Variants in ZNF248 observed in about 807,000 individuals in gnomAD.
ZNF248 encodes the protein KRAB protein domain.
ZNF248 carries 20 observed loss-of-function variants against 44.3 expected under a neutral mutation model. The ratio of observed to expected loss-of-function variants is 0.45; its 90% CI spans 0.32 to 0.66. The LOEUF (loss-of-function observed/expected upper bound fraction) is 0.66. Among genes scored for constraint, ZNF248 ranks in the 30% least tolerant of loss-of-function variants. The probability of loss-of-function intolerance (pLI) is 0.04; values close to 1 mark genes in which losing one functional copy is unlikely to be tolerated. For synonymous variants in ZNF248, 224 were observed against 229.0 expected (o/e 0.98, Z 0.20); for missense variants, 654 against 677.0 (o/e 0.97, Z 0.38).
chr10:37,853,641 A>G (rs2060723725), intron 3 of ZNF248, among the ~76,000 whole-genome samples: 1 of 152,016 alleles, frequency 6.6e-6, no homozygotes, highest in African/African-American at 2.4e-5. Context: ...CGGCCTCCCA[A>G]AGTGCTGGGA....
chr10:37,814,577 C>G (rs1045828074), intron 6 of ZNF248, among the ~76,000 whole-genome samples: 2 of 152,194 alleles, frequency 1.3e-5, no homozygotes, highest in African/African-American at 4.8e-5. Context: ...CTACTGCTAT[C>G]AGACTCCCTC....
intron 6 of ZNF248, among the ~76,000 whole-genome samples, chr10:37,814,044 T>C (rs2052009374): frequency 2.0e-5 from 3 of 151,682 alleles, no homozygotes; most frequent in Non-Finnish European, 4.4e-5. Flanking sequence ...AGGATCTACA[T>C]CTATCATTGC....
chr10:37,779,134 A>G (rs2046973717), intron 6 of ZNF248, among the ~76,000 whole-genome samples: 1 of 151,076 alleles, frequency 6.6e-6, no homozygotes, highest in African/African-American at 2.4e-5. Flanking sequence ...AATCAATAGA[A>G]AAAGAGGGAA....
chr10:37,787,109 C>T (rs1047938030), intron 6 of ZNF248, among the ~76,000 whole-genome samples: 4 of 151,942 alleles, frequency 2.6e-5, no homozygotes, highest in African/African-American at 9.7e-5. Flanking sequence ...GAAACCTTGT[C>T]TCTACTAAAA....
intron 6 of ZNF248, chr10:37,819,648 C>A (rs2053134790): frequency 2.5e-6 from 2 of 804,214 alleles, no homozygotes; most frequent in East Asian, 2.4e-5. Flanking sequence ...TCCAGCTCTG[C>A]CTGGATCTCT....
chr10:37,827,051 G>C (rs117300037), downstream of ZNF248, among the ~76,000 whole-genome samples: 1,597 of 152,312 alleles, frequency 0.01, 12 homozygotes, highest in Non-Finnish European at 0.014. Flanking sequence ...TCCCAGTAAT[G>C]GCAGCTGGTG....
chr10:37,839,106 C>T (rs2057811437), intron 3 of ZNF248, among the ~76,000 whole-genome samples: 1 of 152,130 alleles, frequency 6.6e-6, no homozygotes, highest in African/African-American at 2.4e-5. Context: ...GTGCATTGCT[C>T]CTGGGAGTCT....
At chr10:37,779,093 G>A (rs1303699655) in intron 6 of ZNF248, among the ~76,000 whole-genome samples, 1 of 152,032 alleles carries the variant, frequency 6.6e-6, no homozygotes, top group Non-Finnish European at 1.5e-5. Flanking sequence ...GTACAAGGAG[G>A]AACTGGTACC....
chr10:37,774,772 T>A (rs562221703), downstream of ZNF248, among the ~76,000 whole-genome samples: 2 of 151,708 alleles, frequency 1.3e-5, no homozygotes, highest in Non-Finnish European at 3.0e-5. Flanking sequence ...CATGAAGAAT[T>A]ACTTTTCTTT....
At chr10:37,840,134 T>C (rs1294856473) in intron 3 of ZNF248, among the ~76,000 whole-genome samples, 1 of 152,202 alleles carries the variant, frequency 6.6e-6, no homozygotes, top group Non-Finnish European at 1.5e-5. Flanking sequence ...ATGAAAACAC[T>C]ACTTATCAAA....
rs1012688005 is a variant in ZNF248 at position 37,779,092 on chromosome 10, G to C, written c.331-2517C>G. Among the ~76,000 whole-genome samples, 35 of 152,138 alleles carry C rather than the reference G, an allele frequency of 2.3e-4. 1 individual carries two copies. Among genetic ancestry groups the C allele is most frequent in the Admixed American group, 2.2e-3 (34 of 15,286 alleles). ...CCAAATTCTACCAGAGGTACAAGGA[G>C]GAACTGGTACCATTCCTTCTGAAAC... On this transcript the variant is annotated intron_variant, in intron 6 of 6. Transcript: ENST00000615949.
chr10:37,787,201 C>T (rs1031560006), intron 6 of ZNF248, among the ~76,000 whole-genome samples: 9 of 152,046 alleles, frequency 5.9e-5, no homozygotes, highest in African/African-American at 1.9e-4. Context: ...ATCGCCTGAA[C>T]CTGGGAGGCA....
chr10:37,779,212 AAAAGAG>A (rs1174814474), intron 6 of ZNF248, among the ~76,000 whole-genome samples: 2 of 152,224 alleles, frequency 1.3e-5, no homozygotes, highest in African/African-American at 4.8e-5. Context: ...ACACAACAAA[AAAAGAG>A]AATTTTAGAC....
chr10:37,804,410 G>T (rs2050250372), intron 6 of ZNF248, among the ~76,000 whole-genome samples: 1 of 151,606 alleles, frequency 6.6e-6, no homozygotes, highest in African/African-American at 2.4e-5. Context: ...AATTATAATA[G>T]TGAATCTTAT....
downstream of ZNF248, among the ~76,000 whole-genome samples, chr10:37,826,587 A>C (rs2054427633): frequency 2.0e-5 from 3 of 152,198 alleles, no homozygotes; most frequent in East Asian, 5.8e-4. Flanking sequence ...AATATTTTTA[A>C]CTGTAATAAT....
At chr10:37,811,689 T>C (rs966594247) in intron 6 of ZNF248, among the ~76,000 whole-genome samples, 1 of 143,322 alleles carries the variant, frequency 7.0e-6, no homozygotes, top group African/African-American at 2.6e-5. Context: ...AAAATATATA[T>C]ATATATATTA....
chr10:37,783,420 GA>G (rs2047534767), intron 6 of ZNF248, among the ~76,000 whole-genome samples: 1 of 152,154 alleles, frequency 6.6e-6, no homozygotes, highest in Non-Finnish European at 1.5e-5. Flanking sequence ...ACTTTAAGAA[GA>G]AAATATAGGG....
In ZNF248 at chr10:37,837,713, C is replaced by G; in HGVS notation, c.143-1G>C. ...ACTTCTGGTTTAGTAATGCAATACCCTGTTAAGAGAAAATACCACAGGACT... is the reference window on the plus strand; with the variant it reads ...ACTTCTGGTTTAGTAATGCAATACCGTGTTAAGAGAAAATACCACAGGACT... On this transcript the variant is annotated splice_acceptor_variant, in intron 4 of 5. Coordinates refer to ENST00000395867, the MANE Select transcript of ZNF248 (RefSeq NM_021045.3). LOFTEE classifies it high-confidence loss of function. 1 of 1,613,480 alleles carries G rather than the reference C, an allele frequency of 6.2e-7. No individual in the cohort carries two copies. Among genetic ancestry groups the G allele is most frequent in the Non-Finnish European group, 8.5e-7 (1 of 1,179,688 alleles).
chr10:37,856,683 A>G, intron 1 of ZNF248, 151 bp from the exon 2 acceptor site: 1 of 1,006,594 alleles, frequency 9.9e-7, no homozygotes, highest in Non-Finnish European at 1.2e-6. Context: ...TGTTAACACC[A>G]TTAATGCCCT....
Sources: gnomAD v4.1 joint callset for allele counts (sites outside exome capture counted in the v4.1 genomes callset) on GRCh38, gnomAD v4.1.1 for gene constraint, MANE v1.5 for transcripts, NCBI Gene and HGNC (gene_info 2026-07-23, HGNC 2026-07-21) for gene names.